The following SLC39A5 variants were observed in gnomAD, a reference collection of about 807,000 sequenced individuals.
SLC39A5 encodes zinc transporter ZIP5.
A neutral mutation model predicts 46.9 loss-of-function variants in SLC39A5; 42 were observed. That is an observed-to-expected ratio of 0.90 (90% CI 0.70 to 1.16). The LOEUF (loss-of-function observed/expected upper bound fraction) is 1.16, where lower values mean the gene tolerates loss of function less well. SLC39A5 is among the 50% of genes most tolerant of loss of function. The pLI is 0.00. For synonymous variants in SLC39A5, 311 were observed against 323.1 expected, an observed-to-expected ratio of 0.96 and a Z score of 0.40; for missense variants, 677 against 686.8, an observed-to-expected ratio of 0.99 and a Z score of 0.16.
At position 56,232,919 on chromosome 12, in the gene SLC39A5, G is replaced by A; in HGVS notation, c.471+47G>A. 7 of 1,534,724 alleles carry A rather than the reference G, an allele frequency of 4.6e-6. 1 individual carries two copies. The South Asian group carries it at 7.3e-5, about 16-fold the overall frequency. On this transcript the variant is annotated intron_variant, in intron 5 of 12. Coordinates refer to ENST00000454355, the MANE Select transcript of SLC39A5 (RefSeq NM_173596.3). The stretch of plus-strand genomic sequence containing the variant: ...GGGGAAGGAGCCATGGGATTAGATG[G>A]CCTGAAATGTTTAAATAATCAGTAG...
intron 5 of SLC39A5, among the ~76,000 whole-genome samples, chr12:56,233,398 C>G (rs981309941): frequency 6.7e-6 from 1 of 149,006 alleles, no homozygotes. Context: ...TGCAGTCAGC[C>G]GAGATTGCAC....
rs1693792712 is a variant in SLC39A5 at position 56,237,274 on chromosome 12, C to A, written c.1413C>A (p.Val471=). 1 of 1,613,358 alleles carries A rather than the reference C, an allele frequency of 6.2e-7. No homozygotes were observed. Among genetic ancestry groups the A allele is most frequent in the African/African-American group, 1.3e-5 (1 of 74,878 alleles). Residue 471 remains valine (V), a synonymous_variant, in exon 12 of 13, where the codon GTC becomes GTA. Coordinates refer to ENST00000454355, the MANE Select transcript of SLC39A5 (RefSeq NM_173596.3). ...VLGVGLSLGP[V]PLTPWVFGVT... The stretch of plus-strand genomic sequence containing the variant: ...GGGTGGGGCTCAGCCTGGGCCCTGT[C>A]CCCCTCACTCCCTGGGTGTTTGGGG...
chr12:56,231,398 C>T lies in SLC39A5; in HGVS notation c.124C>T (p.Gln42Ter). The change falls in exon 4 of 13, where the codon CAG becomes TAG. Residue 42 changes from glutamine to a stop codon, truncating the protein, a stop_gained. Coordinates refer to ENST00000454355, the MANE Select transcript of SLC39A5 (RefSeq NM_173596.3). LOFTEE classifies it high-confidence loss of function. ...GCAGGAGCAGAACCATTACCTGGCCCAGCTGTTTGGCCTGTACGGCGAGAA... is the reference window on the plus strand; with the variant it reads ...GCAGGAGCAGAACCATTACCTGGCCTAGCTGTTTGGCCTGTACGGCGAGAA... The part of the protein sequence containing the change: ...AEQEQNHYLA[Q>*]LFGLYGENGT... 1 of 1,614,132 alleles carries T rather than the reference C, an allele frequency of 6.2e-7. No individual in the cohort carries two copies. Among genetic ancestry groups the T allele is most frequent in the Non-Finnish European group, 8.5e-7 (1 of 1,180,022 alleles).
intron 5 of SLC39A5, among the ~76,000 whole-genome samples, chr12:56,233,820 G>C (rs1163398686): frequency 6.6e-6 from 1 of 152,236 alleles, no homozygotes; most frequent in Non-Finnish European, 1.5e-5. Flanking sequence ...CATCGACAGG[G>C]CTGTTGAGAG....
rs764606152 is a variant in SLC39A5, at chr12:56,236,578, G to A, written c.1043-4G>A. ...CCAACACTGTCCTGTGCTTCTTCCC[G>A]CAGAGCCAGGGGCTCAGGGCCAGAG... is the stretch of plus-strand genomic sequence containing the variant. On this transcript the variant is annotated splice_region_variant and splice_polypyrimidine_tract_variant and intron_variant, in intron 9 of 12. Transcript: ENST00000454355. The A allele has an allele frequency of 3.3e-5, 54 of 1,612,458 alleles. No individual in the cohort carries two copies. The highest frequency in any genetic ancestry group is 3.3e-4 in the Middle Eastern group (2 of 6,076).
chr12:56,237,536 G>A, intron 12 of SLC39A5, 52 bp from the exon 13 acceptor site: 1 of 1,610,602 alleles, frequency 6.2e-7, no homozygotes, highest in African/African-American at 1.3e-5. Context: ...TTCCTCTGGA[G>A]TTGAGAGGTC....
chr12:56,235,756 T>C (rs1188079760), intron 8 of SLC39A5, 56 bp downstream of exon 8: 2 of 1,604,832 alleles, frequency 1.2e-6, no homozygotes, highest in Non-Finnish European at 1.7e-6. Context: ...AGTCAAGAAC[T>C]GGGCCAGGCC....
chr12:56,231,265 C>T lies in SLC39A5; in HGVS notation c.-10C>T, dbSNP rs1311432962. The T allele has an allele frequency of 6.3e-7, 1 of 1,592,514 alleles. No individual in the cohort carries two copies. The highest frequency in any genetic ancestry group is 8.6e-7 in the Non-Finnish European group (1 of 1,168,366). On this transcript the variant is annotated 5_prime_UTR_variant, in exon 4 of 13. Coordinates refer to ENST00000454355, the MANE Select transcript of SLC39A5 (RefSeq NM_173596.3). ...CCAGAACCTGAGCCCCTAAGCTATT[C>T]CCCTCACCAATGATGGGGTCCCCAG... is the stretch of plus-strand genomic sequence containing the variant.
At chr12:56,234,208 C>T (rs1317181100) in intron 5 of SLC39A5, among the ~76,000 whole-genome samples, 1 of 151,236 alleles carries the variant, frequency 6.6e-6, no homozygotes, top group African/African-American at 2.4e-5. Flanking sequence ...AGTGCAATGG[C>T]GTGATCTTGG....
intron 5 of SLC39A5, among the ~76,000 whole-genome samples, chr12:56,234,605 G>A (rs946823874): frequency 4.0e-5 from 6 of 151,788 alleles, no homozygotes; most frequent in African/African-American, 7.3e-5. Context: ...GTGAGCCACC[G>A]CACCCGGCTC....
intron 8 of SLC39A5, among the ~76,000 whole-genome samples, chr12:56,236,144 C>A (rs888781144): frequency 2.0e-5 from 3 of 152,214 alleles, no homozygotes; most frequent in African/African-American, 7.2e-5. Context: ...CAGGACCTAT[C>A]GGCTAACAGG....
At chr12:56,234,609 C>G (rs560223896) in intron 5 of SLC39A5, among the ~76,000 whole-genome samples, 6 of 152,214 alleles carry the variant, frequency 3.9e-5, no homozygotes, top group Admixed American at 3.9e-4. Flanking sequence ...GCCACCGCAC[C>G]CGGCTCATCC....
At chr12:56,236,548 A>G in intron 9 of SLC39A5, 34 bp from the exon 10 acceptor site, 1 of 1,614,144 alleles carries the variant, frequency 6.2e-7, no homozygotes, top group Non-Finnish European at 8.5e-7. Flanking sequence ...CCTTACTTGC[A>G]GCCACCAACA....
intron 8 of SLC39A5, 73 bp from the exon 9 acceptor site, chr12:56,236,323 C>T (rs917602901): frequency 7.2e-7 from 1 of 1,389,782 alleles, no homozygotes; most frequent in African/African-American, 1.4e-5. Flanking sequence ...ATCTTCCCAG[C>T]TTGTGGCCTG....
intron 8 of SLC39A5, 195 bp downstream of exon 8, chr12:56,235,895 T>A: frequency 1.6e-6 from 1 of 621,766 alleles, no homozygotes; most frequent in South Asian, 1.8e-5. Flanking sequence ...ATACAAAAAT[T>A]AGCTGGGCGT....
Position 56,231,372 on chromosome 12 carries a change from A to G in SLC39A5, c.98A>G (p.Glu33Gly), listed in dbSNP as rs372533623. The G allele has an allele frequency of 1.9e-6, 3 of 1,613,974 alleles. No individual in the cohort carries two copies. In the South Asian group the frequency reaches 3.3e-5, roughly 18 times the overall value. Residue 33 changes from glutamate to glycine, a missense_variant, in exon 4 of 13, where the codon GAG (glutamate) becomes GGG (glycine). Coordinates refer to ENST00000454355, the MANE Select transcript of SLC39A5 (RefSeq NM_173596.3). The stretch of plus-strand genomic sequence containing the variant: ...TCAGTCCCCAACCTGGGCCCTGCTG[A>G]GCAGGAGCAGAACCATTACCTGGCC... ...GGSVPNLGPA[E>G]QEQNHYLAQL...
intron 5 of SLC39A5, among the ~76,000 whole-genome samples, 200 bp downstream of exon 5, chr12:56,233,072 G>A (rs1212342206): frequency 6.6e-6 from 1 of 151,828 alleles, no homozygotes; most frequent in Non-Finnish European, 1.5e-5. Context: ...GACCAGCCTG[G>A]CCAACATGGT....
intron 12 of SLC39A5, 109 bp from the exon 13 acceptor site, chr12:56,237,479 A>C: frequency 6.4e-7 from 1 of 1,558,454 alleles, no homozygotes; most frequent in Non-Finnish European, 8.7e-7. Context: ...CTGAGAAACA[A>C]GGGACTAAGG....
chr12:56,235,386 T>C, intron 7 of SLC39A5, 60 bp downstream of exon 7: 1 of 1,505,508 alleles, frequency 6.6e-7, no homozygotes, highest in Non-Finnish European at 8.8e-7. Context: ...TCCCCAGCCA[T>C]AGGACATCCC....
Sources: allele counts gnomAD v4.1 joint callset (sites outside exome capture counted in the v4.1 genomes callset), GRCh38; gene constraint gnomAD v4.1.1; transcripts MANE v1.5; gene names NCBI Gene and HGNC (gene_info 2026-07-23, HGNC 2026-07-21).